The following HIP1 variants were observed in gnomAD, a reference collection of about 807,000 sequenced individuals.
HIP1 encodes the protein huntingtin interacting protein 1.
Under a neutral mutation model 147.6 loss-of-function variants are expected in HIP1, and 65 were observed. The observed-to-expected ratio is 0.44, with a 90% CI of 0.36 to 0.54. The LOEUF is 0.54. Among genes scored for constraint, HIP1 ranks in the 20% least tolerant of loss-of-function variants. The pLI is 0.00. For missense variants in HIP1, 1,061 were observed against 1,299.6 expected, an observed-to-expected ratio of 0.82 and a Z score of 2.82; for synonymous variants, 479 against 504.0, an observed-to-expected ratio of 0.95 and a Z score of 0.67.
chr7:75,597,931 G>A (rs587684753), intron 2 of HIP1, among the ~76,000 whole-genome samples: 2 of 152,138 alleles, frequency 1.3e-5, no homozygotes, highest in South Asian at 4.2e-4. Context: ...AGCCAGCATG[G>A]TCCTGCACCT....
chr7:75,572,565 C>G (rs1345455445), intron 8 of HIP1, among the ~76,000 whole-genome samples: 1 of 152,174 alleles, frequency 6.6e-6, no homozygotes, highest in Non-Finnish European at 1.5e-5. Context: ...TGGCAGCTGC[C>G]AGTCCAGATG....
intron 1 of HIP1, among the ~76,000 whole-genome samples, chr7:75,612,682 G>C (rs587618847): frequency 6.8e-6 from 1 of 146,250 alleles, no homozygotes; most frequent in Non-Finnish European, 1.5e-5. Context: ...GGTGGTGGGC[G>C]CCTGTAATTC....
At chr7:75,697,941 G>A (rs1800692841) in intron 1 of HIP1, among the ~76,000 whole-genome samples, 1 of 152,182 alleles carries the variant, frequency 6.6e-6, no homozygotes, top group Admixed American at 6.6e-5. Context: ...AACAAAGTAT[G>A]TCTCTCCATT....
chr7:75,643,632 C>T (rs1238354566), intron 1 of HIP1, among the ~76,000 whole-genome samples: 1 of 152,124 alleles, frequency 6.6e-6, no homozygotes, highest in African/African-American at 2.4e-5. Context: ...ACTTTGCCTA[C>T]AGTGTTTTAA....
chr7:75,703,410 G>A (rs773300734), intron 1 of HIP1, among the ~76,000 whole-genome samples: 148 of 152,076 alleles, frequency 9.7e-4, no homozygotes, highest in Non-Finnish European at 1.2e-3. Flanking sequence ...TCGGGAAGCC[G>A]AGGCAGGCAG....
intron 22 of HIP1, 141 bp from the exon 23 acceptor site, chr7:75,549,142 C>T: frequency 1.6e-6 from 1 of 610,584 alleles, no homozygotes; most frequent in Non-Finnish European, 2.9e-6. Flanking sequence ...GTGGGGGGGT[C>T]TTTTGCAGAC....
intron 1 of HIP1, among the ~76,000 whole-genome samples, chr7:75,724,250 G>A (rs1801587913): frequency 1.4e-5 from 2 of 145,366 alleles, no homozygotes; most frequent in Non-Finnish European, 3.1e-5. Context: ...ACCGCGCCCA[G>A]CCTATTTTTA....
Position 75,538,079 on chromosome 7 carries a change from G to A in HIP1, c.*93C>T. 9.8e-7 allele frequency: 1 copy of A among 1,015,990 alleles called. No homozygotes were observed. The highest frequency in any genetic ancestry group is 1.7e-5 in the Admixed American group (1 of 58,964). 62.9% of individuals were successfully genotyped at this position (1,015,990 alleles called of 1,614,324 possible). On this transcript the variant is annotated 3_prime_UTR_variant, in exon 31 of 31. Transcript: ENST00000336926. ...TAATGGCAGTGGTGTGGCTGCCCCT[G>A]GGACTCCAAGGATTTGGCCTGTGGC...
chr7:75,548,855 G>T (rs782120125), intron 23 of HIP1, 36 bp downstream of exon 23: 1 of 1,434,252 alleles, frequency 7.0e-7, no homozygotes, highest in Non-Finnish European at 9.8e-7. Flanking sequence ...CAGCTGCAAA[G>T]GCATCGTTTC....
chr7:75,675,603 C>T (rs905887059), intron 1 of HIP1, among the ~76,000 whole-genome samples: 12 of 152,056 alleles, frequency 7.9e-5, no homozygotes, highest in Non-Finnish European at 1.8e-4. Flanking sequence ...ATCTCCCTCT[C>T]TCTTTGAAAT....
chr7:75,575,890 G>C (rs1197979426), intron 7 of HIP1, among the ~76,000 whole-genome samples: 2 of 151,888 alleles, frequency 1.3e-5, no homozygotes, highest in Non-Finnish European at 2.9e-5. Flanking sequence ...ACTAATCCCT[G>C]GTAACTGGGT....
intron 1 of HIP1, chr7:75,626,331 G>C (rs955894176): frequency 6.6e-6 from 1 of 152,112 alleles, no homozygotes; most frequent in African/African-American, 2.4e-5. Flanking sequence ...TAAGCCAATG[G>C]ATACATATAC....
chr7:75,732,447 T>C (rs1801865840), intron 1 of HIP1, among the ~76,000 whole-genome samples: 2 of 152,186 alleles, frequency 1.3e-5, no homozygotes, highest in Admixed American at 1.3e-4. Context: ...CACGGCTCAC[T>C]GCCGCCTCAA....
chr7:75,633,105 G>A (rs1242859025), intron 1 of HIP1, among the ~76,000 whole-genome samples: 3 of 151,974 alleles, frequency 2.0e-5, no homozygotes, highest in Admixed American at 6.6e-5. Context: ...CATGGCACGT[G>A]TTTACCTATG....
At chr7:75,560,847 A>G (rs1795203659) in intron 13 of HIP1, among the ~76,000 whole-genome samples, 1 of 151,880 alleles carries the variant, frequency 6.6e-6, no homozygotes, top group Non-Finnish European at 1.5e-5. Flanking sequence ...CTCCTACCTC[A>G]GCCTCCTGAG....
intron 1 of HIP1, among the ~76,000 whole-genome samples, chr7:75,686,650 CTCATTT>C (rs1800270728): frequency 6.6e-6 from 1 of 151,466 alleles, no homozygotes; most frequent in Admixed American, 6.6e-5. Flanking sequence ...CTTCTCTTTT[CTCATTT>C]TTTTTTTGTT....
At chr7:75,657,902 A>T (rs1676957397) in intron 1 of HIP1, among the ~76,000 whole-genome samples, 1 of 152,092 alleles carries the variant, frequency 6.6e-6, no homozygotes, top group South Asian at 2.1e-4. Context: ...AAATACACAC[A>T]CACACACGCA....
chr7:75,561,440 T>C (rs1554494542), intron 12 of HIP1, 39 bp from the exon 13 acceptor site: 1 of 1,315,502 alleles, frequency 7.6e-7, no homozygotes, highest in Non-Finnish European at 1.1e-6. Flanking sequence ...TTCATAGTGC[T>C]TCTATCCCTC....
At chr7:75,698,004 T>TG (rs1800694485) in intron 1 of HIP1, among the ~76,000 whole-genome samples, 1 of 152,162 alleles carries the variant, frequency 6.6e-6, no homozygotes. Flanking sequence ...AAAATTTTTT[T>TG]GTAGAGACTG....
Sources: allele counts gnomAD v4.1 joint callset (sites outside exome capture counted in the v4.1 genomes callset), GRCh38; gene constraint gnomAD v4.1.1; transcripts MANE v1.5; gene names NCBI Gene and HGNC (gene_info 2026-07-23, HGNC 2026-07-21).